Variants in ADCY10 observed in about 807,000 individuals in gnomAD.
The protein encoded by ADCY10 is adenylate cyclase type 10.
In ADCY10, 156 loss-of-function variants were observed where a neutral mutation model predicts 183.3. The ratio of observed to expected loss-of-function variants is 0.85; its 90% CI spans 0.75 to 0.97. ADCY10 has a LOEUF of 0.97. ADCY10 is among the 50% of genes least tolerant of loss of function. ADCY10 has a pLI of 0.00. For synonymous variants in ADCY10, 645 were observed against 670.0 expected, an observed-to-expected ratio of 0.96 and a Z score of 0.58; for missense variants, 1,745 against 1,934.3, an observed-to-expected ratio of 0.90 and a Z score of 1.84.
chr1:167,900,674 A>G (rs1019506433), intron 5 of ADCY10, among the ~76,000 whole-genome samples: 12 of 152,116 alleles, frequency 7.9e-5, no homozygotes, highest in Admixed American at 3.3e-4. Context: ...CTGAGATTAC[A>G]GGCACCCGCC....
At chr1:167,865,794 C>T (rs1666634845) in intron 14 of ADCY10, among the ~76,000 whole-genome samples, 1 of 152,182 alleles carries the variant, frequency 6.6e-6, no homozygotes, top group Non-Finnish European at 1.5e-5. Context: ...AGTTGTTATG[C>T]TTGTGCACAT....
chr1:167,850,660 GCC>G (rs1266102347), intron 18 of ADCY10, among the ~76,000 whole-genome samples: 1 of 102,566 alleles, frequency 9.7e-6, no homozygotes, highest in Non-Finnish European at 1.9e-5. Flanking sequence ...CAAAAAGGGG[GCC>G]GTGTGTGTGT....
intron 1 of ADCY10, 71 bp downstream of exon 1, chr1:167,913,905 C>G (rs1320155063): frequency 6.6e-6 from 1 of 152,386 alleles, no homozygotes; most frequent in South Asian, 2.1e-4. Flanking sequence ...TAGCTGTCTT[C>G]TTTCCTGACG....
chr1:167,877,562 TG>T (rs1409657123), intron 12 of ADCY10, among the ~76,000 whole-genome samples: 1 of 152,068 alleles, frequency 6.6e-6, no homozygotes, highest in Non-Finnish European at 1.5e-5. Flanking sequence ...TACCAAGCAC[TG>T]GGGATATAAG....
chr1:167,868,604 T>G (rs1321922283), intron 14 of ADCY10, among the ~76,000 whole-genome samples: 1 of 145,872 alleles, frequency 6.9e-6, no homozygotes, highest in Non-Finnish European at 1.5e-5. Flanking sequence ...ACATAGAACC[T>G]ACGCTAAGCT....
chr1:167,815,870 T>C (rs954965345), intron 31 of ADCY10, among the ~76,000 whole-genome samples: 12 of 151,652 alleles, frequency 7.9e-5, no homozygotes, highest in African/African-American at 2.9e-4. Flanking sequence ...GTGAGAGAAA[T>C]GAAGAATGCC....
chr1:167,854,707 A>G (rs1346938873), intron 17 of ADCY10, among the ~76,000 whole-genome samples: 2 of 152,204 alleles, frequency 1.3e-5, no homozygotes, highest in Non-Finnish European at 2.9e-5. Context: ...TTTAAAACAG[A>G]CATTGGAAGG....
chr1:167,859,998 C>G, intron 15 of ADCY10, 105 bp from the exon 16 acceptor site: 1 of 911,370 alleles, frequency 1.1e-6, no homozygotes, highest in Non-Finnish European at 1.8e-6. Flanking sequence ...TCTTAAAATC[C>G]TCATGTGTTA....
chr1:167,832,050 G>A (rs1472173759), intron 25 of ADCY10, among the ~76,000 whole-genome samples: 4 of 152,216 alleles, frequency 2.6e-5, no homozygotes. Flanking sequence ...ACATTTAAAG[G>A]AACATGTTTG....
At chr1:167,868,796 G>C (rs914368819) in intron 14 of ADCY10, among the ~76,000 whole-genome samples, 1 of 152,098 alleles carries the variant, frequency 6.6e-6, no homozygotes, top group Non-Finnish European at 1.5e-5. Flanking sequence ...CAATACTATA[G>C]GCCTGCCACT....
chr1:167,820,320 G>T, intron 30 of ADCY10: 2 of 1,090,030 alleles, frequency 1.8e-6, no homozygotes, highest in South Asian at 1.7e-5. Context: ...AAGGGGACTA[G>T]CCGGCCTTGA....
At chr1:167,883,121 T>A (rs916568472) in intron 9 of ADCY10, among the ~76,000 whole-genome samples, 16 of 152,220 alleles carry the variant, frequency 1.1e-4, no homozygotes, top group Admixed American at 7.2e-4. Context: ...CACTGCAACC[T>A]CCGCCTCTCA....
chr1:167,872,796 A>C lies in ADCY10; in HGVS notation c.1462+2335T>G, dbSNP rs566010865. ...ACTGAGAAATATACACATAGGCTGCACGCAGTGGCTCACGTCTGTAATCCC... is the reference window on the plus strand; with the variant it reads ...ACTGAGAAATATACACATAGGCTGCCCGCAGTGGCTCACGTCTGTAATCCC... On this transcript the variant is annotated intron_variant, in intron 13 of 32. Transcript: ENST00000367851. Among the ~76,000 whole-genome samples, 29 of 149,862 alleles carry C rather than the reference A, an allele frequency of 1.9e-4. No homozygotes were observed. In the South Asian group the frequency reaches 6.1e-3, roughly 31 times the overall value.
chr1:167,900,253 T>C (rs1325756404), intron 5 of ADCY10, among the ~76,000 whole-genome samples: 2 of 152,238 alleles, frequency 1.3e-5, no homozygotes, highest in Non-Finnish European at 2.9e-5. Context: ...TCAATGTTTA[T>C]TTTTTATCTT....
chr1:167,831,091 AC>A (rs1257812862), intron 25 of ADCY10, among the ~76,000 whole-genome samples: 1 of 152,204 alleles, frequency 6.6e-6, no homozygotes. Flanking sequence ...AGGCTGTGTT[AC>A]AGGCGTGTCC....
At chr1:167,838,817 T>C (rs192384974) in intron 21 of ADCY10, among the ~76,000 whole-genome samples, 50 of 152,320 alleles carry the variant, frequency 3.3e-4, no homozygotes, top group African/African-American at 1.2e-3. Flanking sequence ...AACTCTCGAA[T>C]CTCTCCTCCA....
At chr1:167,898,219 A>G (rs1669141416) in intron 6 of ADCY10, among the ~76,000 whole-genome samples, 1 of 151,390 alleles carries the variant, frequency 6.6e-6, no homozygotes, top group Non-Finnish European at 1.5e-5. Flanking sequence ...TAGGTGAGGG[A>G]TATATGGAAA....
At chr1:167,814,738 A>T (rs1303079504) in intron 31 of ADCY10, among the ~76,000 whole-genome samples, 1 of 152,214 alleles carries the variant, frequency 6.6e-6, no homozygotes, top group Non-Finnish European at 1.5e-5. Flanking sequence ...GCAGACATGG[A>T]TACACAACAT....
At chr1:167,816,967 T>C (rs1662569720) in intron 31 of ADCY10, among the ~76,000 whole-genome samples, 1 of 152,228 alleles carries the variant, frequency 6.6e-6, no homozygotes, top group African/African-American at 2.4e-5. Context: ...AACAATGTGT[T>C]CAATTATTCA....
Sources: gnomAD v4.1 joint callset for allele counts (sites outside exome capture counted in the v4.1 genomes callset) on GRCh38, gnomAD v4.1.1 for gene constraint, MANE v1.5 for transcripts, NCBI Gene and HGNC (gene_info 2026-07-23, HGNC 2026-07-21) for gene names.